EXOC6B: variants seen among roughly 807,000 people sequenced by gnomAD.
EXOC6B encodes the protein exocyst complex component 6B.
Under a neutral mutation model 113.5 loss-of-function variants are expected in EXOC6B, and 54 were observed. The ratio of observed to expected loss-of-function variants is 0.48; its 90% confidence interval spans 0.38 to 0.60. EXOC6B has a LOEUF of 0.60. Among genes scored for constraint, EXOC6B ranks in the 20% least tolerant of loss-of-function variants. The pLI, the probability that EXOC6B is intolerant of heterozygous loss-of-function variation, is 0.00. For synonymous variants in EXOC6B, 357 were observed against 339.0 expected (o/e 1.05, Z -0.58); for missense variants, 797 against 977.5 (o/e 0.82, Z 2.46).
Position 72,382,541 on chromosome 2 carries a change from T to G in EXOC6B, c.1981-2671A>C, listed in dbSNP as rs539757088. Among the ~76,000 whole-genome samples the G allele has an allele frequency of 7.2e-5, 11 of 152,302 alleles. No homozygotes were observed. In the South Asian group the frequency reaches 2.3e-3, roughly 32 times the overall value. ...GTCTTTTTTGGTTCTATATACATTTTTAAATAGTTTAGTTCTGTGAAGAAT... is the reference window on the plus strand; with the variant it reads ...GTCTTTTTTGGTTCTATATACATTTGTAAATAGTTTAGTTCTGTGAAGAAT... On this transcript the variant is annotated intron_variant, in intron 18 of 21. Transcript: ENST00000272427.
intron 18 of EXOC6B, chr2:72,461,904 G>A (rs1049624170): frequency 1.1e-4 from 17 of 151,830 alleles, no homozygotes; most frequent in African/African-American, 3.9e-4. Context: ...TATCACACAA[G>A]CTTAATTTGT....
chr2:72,499,838 A>G, intron 12 of EXOC6B, 63 bp downstream of exon 12: 1 of 1,191,988 alleles, frequency 8.4e-7, no homozygotes, highest in Admixed American at 2.1e-5. Flanking sequence ...CCAGTCAAGA[A>G]AAAGGTTTAG....
chr2:72,423,197 C>G, intron 18 of EXOC6B, among the ~76,000 whole-genome samples: 1 of 151,884 alleles, frequency 6.6e-6, no homozygotes, highest in Non-Finnish European at 1.5e-5. Context: ...TAACACTCAC[C>G]GCGAAAGTCT....
chr2:72,413,512 A>G (rs1463331703), intron 18 of EXOC6B, among the ~76,000 whole-genome samples: 1 of 150,840 alleles, frequency 6.6e-6, no homozygotes, highest in East Asian at 2.0e-4. Context: ...GTGAAACCCA[A>G]TCTCTACTAA....
At chr2:72,254,306 G>A (rs1314420121) in intron 20 of EXOC6B, among the ~76,000 whole-genome samples, 3 of 152,180 alleles carry the variant, frequency 2.0e-5, no homozygotes, top group African/African-American at 7.2e-5. Context: ...CAGAAGAGTA[G>A]AAGACATGAG....
chr2:72,549,178 C>T (rs1053193266), intron 8 of EXOC6B, among the ~76,000 whole-genome samples: 30 of 151,936 alleles, frequency 2.0e-4, no homozygotes, highest in African/African-American at 6.5e-4. Context: ...CATGGAAGAC[C>T]GTCTATACTT....
At chr2:72,401,211 A>G (rs1413152419) in intron 18 of EXOC6B, among the ~76,000 whole-genome samples, 3 of 151,470 alleles carry the variant, frequency 2.0e-5, no homozygotes, top group African/African-American at 7.3e-5. Context: ...CTGTAACCCC[A>G]GCACTTTGGG....
chr2:72,305,033 A>G (rs575535369), intron 20 of EXOC6B, among the ~76,000 whole-genome samples: 1 of 152,358 alleles, frequency 6.6e-6, no homozygotes, highest in African/African-American at 2.4e-5. Context: ...ACACTAAATC[A>G]GAATAACTGC....
chr2:72,519,218 T>C (rs976813900), intron 8 of EXOC6B, among the ~76,000 whole-genome samples: 1 of 152,222 alleles, frequency 6.6e-6, no homozygotes, highest in Admixed American at 6.5e-5. Flanking sequence ...GGCAATGCTC[T>C]GCCTTCTTAT....
At chr2:72,584,247 C>T (rs1026301401) in intron 6 of EXOC6B, among the ~76,000 whole-genome samples, 1 of 151,782 alleles carries the variant, frequency 6.6e-6, no homozygotes, top group Admixed American at 6.6e-5. Flanking sequence ...CAAGACCCTT[C>T]CATCCTGTCT....
chr2:72,276,369 A>G (rs1331818353), intron 20 of EXOC6B, among the ~76,000 whole-genome samples: 1 of 152,194 alleles, frequency 6.6e-6, no homozygotes, highest in Non-Finnish European at 1.5e-5. Flanking sequence ...GGTATAGAAA[A>G]GGAAGTTCTC....
At chr2:72,666,780 G>GACGC (rs1675420578) in intron 6 of EXOC6B, among the ~76,000 whole-genome samples, 1 of 81,160 alleles carries the variant, frequency 1.2e-5, no homozygotes, top group African/African-American at 2.8e-5. Flanking sequence ...ATTTACAATA[G>GACGC]ACACACACAC....
chr2:72,533,295 CCCT>C (rs1347348740), intron 8 of EXOC6B, among the ~76,000 whole-genome samples: 1 of 152,150 alleles, frequency 6.6e-6, no homozygotes, highest in Admixed American at 6.6e-5. Context: ...CCTGCCCCTC[CCCT>C]CCTGATTTTC....
intron 1 of EXOC6B, among the ~76,000 whole-genome samples, chr2:72,777,022 C>T (rs576650967): frequency 6.6e-6 from 1 of 152,172 alleles, no homozygotes; most frequent in East Asian, 1.9e-4. Context: ...GGTAGGACCA[C>T]CTGAGGTCAG....
Position 72,480,893 on chromosome 2 carries a change from T to C in EXOC6B, c.1666-143A>G. 3 of 785,034 alleles carry C rather than the reference T, an allele frequency of 3.8e-6. No individual in the cohort carries two copies. The South Asian group carries it at 5.6e-5, about 15-fold the overall frequency. The allele number at this position is 785,034 out of a possible 1,614,324, so 48.6% of individuals were successfully genotyped here. A position where few individuals can be genotyped will look rare whatever the true frequency, so the allele number is the denominator to read the frequency against. On this transcript the variant is annotated intron_variant, in intron 16 of 21. Transcript: ENST00000272427. ...TTCGGGCAAGGGGTATGTTAAAGCA[T>C]GGGCTTTCATGTTACCTCTTCTAGG...
chr2:72,403,052 AT>A (rs1175721154), intron 18 of EXOC6B, among the ~76,000 whole-genome samples: 2 of 152,178 alleles, frequency 1.3e-5, no homozygotes, highest in Non-Finnish European at 2.9e-5. Flanking sequence ...CTGTTGGGAG[AT>A]TTCAAAATTT....
rs534344754 is a variant in EXOC6B at position 72,291,944 on chromosome 2, A to G, written c.2196+43003T>C. On this transcript the variant is annotated intron_variant, in intron 20 of 21. Coordinates refer to ENST00000272427, the MANE Select transcript of EXOC6B (RefSeq NM_015189.3). Reference sequence around the variant, plus strand: ...TGCCAGGATTGAAAAGGATTTTCACACTAACAAGAATGGAACAGATTTGAG... The same window carrying G: ...TGCCAGGATTGAAAAGGATTTTCACGCTAACAAGAATGGAACAGATTTGAG... 5.3e-5 allele frequency among the ~76,000 whole-genome samples: 8 copies of G among 152,356 alleles called. No homozygotes were observed. The South Asian group carries it at 1.7e-3, about 32-fold the overall frequency.
chr2:72,209,223 C>CAAAAAA (rs1170760516), intron 20 of EXOC6B, among the ~76,000 whole-genome samples: 50 of 57,020 alleles, frequency 8.8e-4, no homozygotes, highest in Non-Finnish European at 1.4e-3. Flanking sequence ...AACTCAGTCT[C>CAAAAAA]AAAAAAAAAA....
intron 6 of EXOC6B, among the ~76,000 whole-genome samples, chr2:72,645,208 G>A (rs1043228606): frequency 6.6e-6 from 1 of 152,092 alleles, no homozygotes; most frequent in Non-Finnish European, 1.5e-5. Flanking sequence ...ATTACCTAAT[G>A]GCAAAAAGAT....
Sources: allele counts gnomAD v4.1 joint callset (sites outside exome capture counted in the v4.1 genomes callset), GRCh38; gene constraint gnomAD v4.1.1; transcripts MANE v1.5; gene names NCBI Gene and HGNC (gene_info 2026-07-23, HGNC 2026-07-21).